The following XKR4 variants were observed in gnomAD, a reference collection of about 807,000 sequenced individuals.
XKR4 encodes XK related 4, also known as XK-related protein 4.
A neutral mutation model predicts 53.9 loss-of-function variants in XKR4; 12 were observed. The observed-to-expected ratio is 0.22, with a 90% confidence interval of 0.14 to 0.36. XKR4 has a LOEUF of 0.36. XKR4 is among the 10% of genes least tolerant of loss of function. The pLI, the probability that XKR4 is intolerant of heterozygous loss-of-function variation, is 1.00. For synonymous variants in XKR4, 354 were observed against 362.4 expected (o/e 0.98, Z 0.26); for missense variants, 799 against 859.5 (o/e 0.93, Z 0.88).
At chr8:55,498,800 G>C (rs2129403165) in intron 2 of XKR4, among the ~76,000 whole-genome samples, 1 of 148,982 alleles carries the variant, frequency 6.7e-6, no homozygotes, top group Admixed American at 6.6e-5. Flanking sequence ...GACAGAGACA[G>C]AGAGAGAGAG....
chr8:55,239,552 G>C (rs1293815875), intron 1 of XKR4, among the ~76,000 whole-genome samples: 1 of 152,086 alleles, frequency 6.6e-6, no homozygotes, highest in Non-Finnish European at 1.5e-5. Context: ...TCCTTCTGCT[G>C]CCCCACCTGG....
At chr8:55,213,856 C>CTT (rs11433893) in intron 1 of XKR4, among the ~76,000 whole-genome samples, 846 of 82,320 alleles carry the variant, frequency 0.01, 112 homozygotes, top group African/African-American at 0.027. Context: ...TTCTTTCTTT[C>CTT]TTTTTTTTTT....
At chr8:55,505,563 A>C (rs61602607) in intron 2 of XKR4, among the ~76,000 whole-genome samples, 8,904 of 152,224 alleles carry the variant, frequency 0.058, 670 homozygotes, top group East Asian at 0.28. Flanking sequence ...AAACAAACAA[A>C]TTTTTAAAAA....
chr8:55,529,263 G>A lies in XKR4; in HGVS notation c.*5036G>A, dbSNP rs901581104. 1 of 151,948 alleles carries A rather than the reference G, an allele frequency of 6.6e-6. No individual in the cohort carries two copies. The highest frequency in any genetic ancestry group is 6.6e-5 in the Admixed American group (1 of 15,238). 9.4% of individuals were successfully genotyped at this position (151,948 alleles called of 1,614,324 possible). On this transcript the variant is annotated 3_prime_UTR_variant, in exon 3 of 3. Transcript: ENST00000327381. The stretch of plus-strand genomic sequence containing the variant: ...TTTATATATATATATTGCAGGCAGT[G>A]ACCTGGCCCCCAAATGTAAAGCTTT...
intron 2 of XKR4, among the ~76,000 whole-genome samples, chr8:55,509,785 T>C (rs1285679400): frequency 6.6e-6 from 1 of 152,190 alleles, no homozygotes; most frequent in Non-Finnish European, 1.5e-5. Flanking sequence ...AACCCTAGAC[T>C]AGAGGGATCC....
intron 2 of XKR4, among the ~76,000 whole-genome samples, chr8:55,418,105 C>T (rs1468858854): frequency 6.6e-6 from 1 of 152,182 alleles, no homozygotes; most frequent in African/African-American, 2.4e-5. Context: ...GAGGCCTCAG[C>T]CCATCCCCCT....
chr8:55,421,156 C>T (rs1237360242), intron 2 of XKR4, among the ~76,000 whole-genome samples: 5 of 152,302 alleles, frequency 3.3e-5, no homozygotes, highest in East Asian at 1.9e-4. Flanking sequence ...AAAACACTTC[C>T]GCTTGTAAAG....
chr8:55,265,816 T>TAA lies in XKR4; in HGVS notation c.807-91852_807-91851dup, dbSNP rs746816740. Among the ~76,000 whole-genome samples the TAA allele has an allele frequency of 7.9e-3, 1,135 of 144,164 alleles. 6 individuals are homozygous for TAA. Among genetic ancestry groups the TAA allele is most frequent in the Non-Finnish European group, 0.012 (760 of 65,322 alleles). The allele number at this position is 144,164 out of a possible 152,430, so 94.6% of individuals were successfully genotyped here. ...CAACATGGTGAAACCATGTCTCTAC[T>TAA]AAAAAAAAAAATACAAAAATTAGCT... On this transcript the variant is annotated intron_variant, in intron 1 of 2. Coordinates refer to ENST00000327381, the MANE Select transcript of XKR4 (RefSeq NM_052898.2).
chr8:55,168,839 C>T (rs528386346), intron 1 of XKR4, among the ~76,000 whole-genome samples: 22 of 152,250 alleles, frequency 1.4e-4, no homozygotes, highest in South Asian at 6.2e-4. Context: ...TATGGTAATT[C>T]ACTCCAAGTG....
Position 55,528,012 on chromosome 8 carries a change from A to C in XKR4, c.*3785A>C, listed in dbSNP as rs1806901264. ...CCTATATATGTATGTACACACACAC[A>C]CACACACACTTTCCAACTAAAGTAA... On this transcript the variant is annotated 3_prime_UTR_variant, in exon 3 of 3. Coordinates refer to ENST00000327381, the MANE Select transcript of XKR4 (RefSeq NM_052898.2). The C allele has an allele frequency of 6.6e-6, 1 of 152,236 alleles. No homozygotes were observed. The highest frequency in any genetic ancestry group is 1.5e-5 in the Non-Finnish European group (1 of 68,040). The allele number at this position is 152,236 out of a possible 1,614,324, so 9.4% of individuals were successfully genotyped here.
intron 1 of XKR4, among the ~76,000 whole-genome samples, chr8:55,264,658 T>C (rs1818573645): frequency 6.6e-6 from 1 of 152,242 alleles, no homozygotes; most frequent in South Asian, 2.1e-4. Flanking sequence ...GGGAAGATAC[T>C]TTCATGGTTT....
intron 1 of XKR4, among the ~76,000 whole-genome samples, chr8:55,267,574 T>C (rs1418744414): frequency 6.6e-6 from 1 of 152,158 alleles, no homozygotes; most frequent in Non-Finnish European, 1.5e-5. Context: ...CCAGTAAAAT[T>C]AAGTACAGCA....
At chr8:55,235,560 T>C (rs1818107860) in intron 1 of XKR4, among the ~76,000 whole-genome samples, 1 of 152,226 alleles carries the variant, frequency 6.6e-6, no homozygotes, top group Admixed American at 6.5e-5. Flanking sequence ...CATAAATATG[T>C]TTGTTTTTAT....
At chr8:55,392,493 A>G (rs1425214882) in intron 2 of XKR4, among the ~76,000 whole-genome samples, 1 of 152,244 alleles carries the variant, frequency 6.6e-6, no homozygotes. Context: ...TCGAGTTACT[A>G]TTAAAAATTA....
At position 55,199,896 on chromosome 8, in the gene XKR4, T is replaced by C. The variant is rs535415892; in HGVS notation, c.806+96602T>C. ...GGTAGGTACTATTATTTTCTCCATT[T>C]TTCAGATGAAGAAACCAAAGCTTAA... On this transcript the variant is annotated intron_variant, in intron 1 of 2. Coordinates refer to ENST00000327381, the MANE Select transcript of XKR4 (RefSeq NM_052898.2). Among the ~76,000 whole-genome samples, 41 of 152,332 alleles carry C rather than the reference T, an allele frequency of 2.7e-4. No homozygotes were observed. In the South Asian group the frequency reaches 8.5e-3, roughly 32 times the overall value.
chr8:55,112,284 C>T (rs935830467), intron 1 of XKR4, among the ~76,000 whole-genome samples: 4 of 152,094 alleles, frequency 2.6e-5, no homozygotes, highest in African/African-American at 9.7e-5. Context: ...ATAAACAGAG[C>T]AGTGGGCATT....
At chr8:55,519,409 A>G (rs1477059509) in intron 2 of XKR4, among the ~76,000 whole-genome samples, 1 of 152,216 alleles carries the variant, frequency 6.6e-6, no homozygotes, top group African/African-American at 2.4e-5. Context: ...GTTCAATGTC[A>G]CTTATATATT....
chr8:55,236,889 C>T (rs531599343), intron 1 of XKR4, among the ~76,000 whole-genome samples: 1 of 152,348 alleles, frequency 6.6e-6, no homozygotes, highest in Admixed American at 6.5e-5. Flanking sequence ...CTCTCTCCCT[C>T]TTTCTGGTGT....
intron 1 of XKR4, chr8:55,142,222 A>G (rs187218940): frequency 1.3e-5 from 6 of 455,788 alleles, no homozygotes; most frequent in Admixed American, 7.1e-5. Flanking sequence ...GCAGAACTTC[A>G]TGTCATTGAA....
Sources: allele counts gnomAD v4.1 joint callset (sites outside exome capture counted in the v4.1 genomes callset), GRCh38; gene constraint gnomAD v4.1.1; transcripts MANE v1.5; gene names NCBI Gene and HGNC (gene_info 2026-07-23, HGNC 2026-07-21).